Variants in ARHGEF4 observed in about 807,000 individuals in gnomAD.
ARHGEF4 encodes APC-stimulated guanine nucleotide exchange factor 1.
A neutral mutation model predicts 162.0 loss-of-function variants in ARHGEF4; 119 were observed. The ratio of observed to expected loss-of-function variants is 0.73; its 90% confidence interval spans 0.63 to 0.86. The LOEUF (loss-of-function observed/expected upper bound fraction) is 0.86. Among genes scored for constraint, ARHGEF4 ranks in the 40% least tolerant of loss-of-function variants. The probability of loss-of-function intolerance (pLI) is 0.00; values close to 1 mark genes in which losing one functional copy is unlikely to be tolerated. For missense variants in ARHGEF4, 2,488 were observed against 2,456.0 expected (o/e 1.01, Z -0.28); for synonymous variants, 1,014 against 979.9 (o/e 1.03, Z -0.65).
chr2:130,867,411 T>C (rs987854442), intron 1 of ARHGEF4, among the ~76,000 whole-genome samples: 1 of 151,892 alleles, frequency 6.6e-6, no homozygotes, highest in Non-Finnish European at 1.5e-5. Flanking sequence ...CTAATTTTTG[T>C]ATTTTTAGTA....
At chr2:130,840,047 A>G (rs1279450884) in intron 1 of ARHGEF4, among the ~76,000 whole-genome samples, 1 of 152,136 alleles carries the variant, frequency 6.6e-6, no homozygotes, top group Non-Finnish European at 1.5e-5. Context: ...GCTGTGCCCC[A>G]TGACAGGGAA....
chr2:130,883,017 C>G (rs761646187), intron 1 of ARHGEF4, among the ~76,000 whole-genome samples: 20 of 152,102 alleles, frequency 1.3e-4, no homozygotes, highest in Admixed American at 4.6e-4. Flanking sequence ...CTGACTGCCC[C>G]TCCTCACCTT....
chr2:130,920,114 G>GT, intron 2 of ARHGEF4, among the ~76,000 whole-genome samples: 2 of 151,976 alleles, frequency 1.3e-5, no homozygotes, highest in Admixed American at 1.3e-4. Flanking sequence ...TTTGTTTTTT[G>GT]TTTATTTTGT....
At chr2:131,035,615 C>CGCTT (rs1387576097) in intron 5 of ARHGEF4, 1 of 980,884 alleles carries the variant, frequency 1.0e-6, no homozygotes, top group Non-Finnish European at 1.2e-6. Context: ...GAGCGACCCG[C>CGCTT]GCTTGCATCT....
At chr2:130,921,083 G>A (rs1681844042) in intron 2 of ARHGEF4, among the ~76,000 whole-genome samples, 1 of 151,878 alleles carries the variant, frequency 6.6e-6, no homozygotes, top group African/African-American at 2.4e-5. Context: ...TCATTATCGT[G>A]TTACTACTTT....
intron 4 of ARHGEF4, among the ~76,000 whole-genome samples, chr2:130,983,797 C>A (rs1339527872): frequency 1.3e-5 from 2 of 152,056 alleles, no homozygotes; most frequent in African/African-American, 2.4e-5. Flanking sequence ...CTACAGGCGT[C>A]CGCCACCACA....
chr2:131,023,712 A>C (rs1689294309), intron 4 of ARHGEF4, among the ~76,000 whole-genome samples: 1 of 152,222 alleles, frequency 6.6e-6, no homozygotes, highest in Non-Finnish European at 1.5e-5. Context: ...GTTTCTTAAA[A>C]GCTAAGTAGT....
intron 3 of ARHGEF4, 114 bp from the exon 4 acceptor site, chr2:130,946,395 G>C (rs67022442): frequency 0.2 from 270,673 of 1,339,504 alleles, 32,676 homozygotes; most frequent in African/African-American, 0.53. Flanking sequence ...TATTTTGGTT[G>C]TGTGCTCTGT....
intron 3 of ARHGEF4, among the ~76,000 whole-genome samples, chr2:130,943,543 A>G (rs1450253669): frequency 6.6e-6 from 1 of 151,866 alleles, no homozygotes; most frequent in Non-Finnish European, 1.5e-5. Context: ...TTATTTGGGT[A>G]TTTTTTAGTT....
chr2:131,028,113 A>C, intron 5 of ARHGEF4, 29 bp downstream of exon 5: 2 of 1,611,646 alleles, frequency 1.2e-6, no homozygotes, highest in East Asian at 4.5e-5. Flanking sequence ...GGGCAGAGGG[A>C]GGGACAGGCT....
In ARHGEF4 at chr2:131,011,909, G is replaced by A. The variant is rs766085575; in HGVS notation, c.3986-16036G>A. On this transcript the variant is annotated intron_variant, in intron 4 of 13. Transcript: ENST00000409359. ...GGCAGAGATGGGACCTGCACTGGAG[G>A]TACGTGGTGGACAGATGAAAAATGG... The A allele has an allele frequency of 2.7e-5, 19 of 702,714 alleles. 1 individual carries two copies. Among genetic ancestry groups the A allele is most frequent in the South Asian group, 2.2e-4 (15 of 67,570 alleles). The allele number at this position is 702,714 out of a possible 1,614,324, so 43.5% of individuals were successfully genotyped here.
At chr2:130,899,226 A>C (rs1226471580) in intron 1 of ARHGEF4, among the ~76,000 whole-genome samples, 2 of 152,184 alleles carry the variant, frequency 1.3e-5, no homozygotes, top group Non-Finnish European at 2.9e-5. Context: ...TAACATATTC[A>C]TGGGCATGAT....
intron 4 of ARHGEF4, among the ~76,000 whole-genome samples, chr2:130,969,871 G>A (rs190021807): frequency 3.9e-4 from 60 of 152,228 alleles, no homozygotes; most frequent in Admixed American, 6.5e-4. Flanking sequence ...CCATGATGCC[G>A]TAGAAATGGA....
At chr2:131,043,334 C>T in intron 10 of ARHGEF4, 118 bp from the exon 11 acceptor site, 1 of 1,399,376 alleles carries the variant, frequency 7.1e-7, no homozygotes, top group Admixed American at 1.9e-5. Flanking sequence ...ATGGCCTGGC[C>T]AGGTGGGCGC....
chr2:131,007,027 A>G, intron 4 of ARHGEF4, among the ~76,000 whole-genome samples: 1 of 152,220 alleles, frequency 6.6e-6, no homozygotes, highest in South Asian at 2.1e-4. Context: ...AATACAAGGC[A>G]TAGGGTGTAG....
intron 4 of ARHGEF4, among the ~76,000 whole-genome samples, chr2:131,018,775 T>TTAGG (rs1414179832): frequency 1.3e-5 from 2 of 152,228 alleles, no homozygotes; most frequent in East Asian, 3.8e-4. Context: ...TTTATGTGTG[T>TTAGG]TAGGTAAGGG....
intron 4 of ARHGEF4, among the ~76,000 whole-genome samples, chr2:130,990,494 T>G (rs1294658324): frequency 3.4e-4 from 52 of 152,276 alleles, no homozygotes; most frequent in Admixed American, 2.9e-3. Flanking sequence ...AACTTCCCAG[T>G]TCTGCAGGAT....
At chr2:131,003,978 G>A (rs574785141) in intron 4 of ARHGEF4, among the ~76,000 whole-genome samples, 7 of 152,242 alleles carry the variant, frequency 4.6e-5, no homozygotes, top group African/African-American at 1.4e-4. Flanking sequence ...GCAGCCAAAG[G>A]AGCATCTTTG....
chr2:130,988,351 C>T (rs1166678250), intron 4 of ARHGEF4, among the ~76,000 whole-genome samples: 1 of 152,224 alleles, frequency 6.6e-6, no homozygotes, highest in Non-Finnish European at 1.5e-5. Context: ...AAGTGTCTGC[C>T]TCAGCAGGCT....
Sources: gnomAD v4.1 joint callset for allele counts (sites outside exome capture counted in the v4.1 genomes callset) on GRCh38, gnomAD v4.1.1 for gene constraint, MANE v1.5 for transcripts, NCBI Gene and HGNC (gene_info 2026-07-23, HGNC 2026-07-21) for gene names.